Variants in SH3KBP1 observed in about 807,000 individuals in gnomAD.
SH3KBP1 encodes SH3 domain-containing kinase-binding protein 1.
Under a neutral mutation model 50.1 loss-of-function variants are expected in SH3KBP1, and 8 were observed. The ratio of observed to expected loss-of-function variants is 0.16; its 90% CI spans 0.09 to 0.29. The LOEUF is 0.29. Ranked by LOEUF, SH3KBP1 falls within the 10% of genes least tolerant of loss-of-function variation. The probability of loss-of-function intolerance (pLI) is 1.00; values close to 1 mark genes in which losing one functional copy is unlikely to be tolerated. For missense variants in SH3KBP1, 377 were observed against 535.2 expected (o/e 0.70, Z 2.92); for synonymous variants, 227 against 218.6 (o/e 1.04, Z -0.34).
At chrX:19,538,563 TTTTA>T (rs200891455) in intron 16 of SH3KBP1, among the ~76,000 whole-genome samples, 5 of 105,829 alleles carry the variant, frequency 4.7e-5, no homozygotes, top group Middle Eastern at 4.9e-3. Context: ...ATTTCCTTTA[TTTTA>T]TTTATTTATT....
chrX:19,871,115 C>G (rs1330617837), intron 1 of SH3KBP1, among the ~76,000 whole-genome samples: 1 of 112,294 alleles, frequency 8.9e-6, no homozygotes, highest in Admixed American at 9.4e-5. Context: ...ATGTGTTTTG[C>G]TAAAATTTAT....
chrX:19,781,343 C>G (rs1014401650), intron 2 of SH3KBP1, among the ~76,000 whole-genome samples: 2 of 111,075 alleles, frequency 1.8e-5, no homozygotes, highest in African/African-American at 6.6e-5. Flanking sequence ...TTAGGCCAAG[C>G]ATGGTGGCTC....
At chrX:19,593,352 C>T in intron 10 of SH3KBP1, among the ~76,000 whole-genome samples, 1 of 111,774 alleles carries the variant, frequency 8.9e-6, no homozygotes, top group Middle Eastern at 4.6e-3. Context: ...ACATCCTTTA[C>T]TTAATTCCTC....
At chrX:19,611,048 C>T (rs909654542) in intron 8 of SH3KBP1, among the ~76,000 whole-genome samples, 14 of 110,300 alleles carry the variant, frequency 1.3e-4, no homozygotes, top group African/African-American at 4.3e-4. Context: ...CCATGCCTGG[C>T]TAATTTTTCA....
At chrX:19,619,268 T>C (rs2067728338) in intron 8 of SH3KBP1, among the ~76,000 whole-genome samples, 1 of 111,808 alleles carries the variant, frequency 8.9e-6, no homozygotes, top group South Asian at 3.7e-4. Flanking sequence ...AGAGCCAGAC[T>C]CTGTCTCAAA....
Position 19,873,276 on chromosome X carries a change from ATATATATATATATG to A in SH3KBP1, c.4+14017_4+14030del, listed in dbSNP as rs1165627045. Among the ~76,000 whole-genome samples, 3 of 81,736 alleles carry A rather than the reference ATATATATATATATG, an allele frequency of 3.7e-5. No homozygotes were observed. In the Admixed American group the frequency reaches 3.8e-4, roughly 10 times the overall value. The allele number at this position is 81,736 out of a possible 115,157, so 71.0% of individuals were successfully genotyped here. ...TATGAAGTGGAAAAAACAAGGACAT[ATATATATATATATG>A]TATATATATATATATATATATACAT... is the stretch of plus-strand genomic sequence containing the variant. On this transcript the variant is annotated intron_variant, in intron 1 of 17. Coordinates refer to ENST00000397821, the MANE Select transcript of SH3KBP1 (RefSeq NM_031892.3).
At chrX:19,592,544 T>C (rs764624789) in intron 10 of SH3KBP1, among the ~76,000 whole-genome samples, 2 of 111,539 alleles carry the variant, frequency 1.8e-5, no homozygotes, top group South Asian at 3.8e-4. Context: ...GGGGGTTTCA[T>C]AGGAATCTGG....
intron 12 of SH3KBP1, among the ~76,000 whole-genome samples, chrX:19,578,478 C>G (rs1441060518): frequency 9.0e-6 from 1 of 111,579 alleles, no homozygotes; most frequent in African/African-American, 3.3e-5. Flanking sequence ...AGAGACTACC[C>G]AGCTGAAGCC....
intron 7 of SH3KBP1, among the ~76,000 whole-genome samples, chrX:19,637,212 A>T (rs1239322276): frequency 8.9e-6 from 1 of 112,471 alleles, no homozygotes; most frequent in Non-Finnish European, 1.9e-5. Context: ...TGGTCACTCC[A>T]AGTGGGAAAA....
chrX:19,680,995 A>T (rs889596976), intron 6 of SH3KBP1, among the ~76,000 whole-genome samples: 3 of 111,681 alleles, frequency 2.7e-5, no homozygotes, highest in African/African-American at 9.8e-5. Flanking sequence ...AAATATCCCT[A>T]TCTGAAATGC....
At chrX:19,583,103 T>C (rs2066425369) in intron 12 of SH3KBP1, among the ~76,000 whole-genome samples, 1 of 104,740 alleles carries the variant, frequency 9.5e-6, no homozygotes, top group South Asian at 4.4e-4. Flanking sequence ...GAGGAACCCA[T>C]TTTTATTCAA....
rs745782204 is a variant in SH3KBP1, at chrX:19,695,656, G to A, written c.476C>T (p.Ser159Leu). 3.2e-5 allele frequency: 38 copies of A among 1,206,301 alleles called. No individual in the cohort carries two copies. The highest frequency in any genetic ancestry group is 3.8e-5 in the Non-Finnish European group (34 of 893,971). The change falls in exon 5 of 18, where the codon TCG (serine) becomes TTG (leucine). Residue 159 changes from serine (S) to leucine (L), a missense_variant. By Grantham distance (145) the Ser-to-Leu change is moderately radical. Transcript: ENST00000397821. ...SNFIKELSGE[S>L]DELGISQDEQ... ...ATCCTGGGAAATGCCAAGCTCATCC[G>A]ACTCCCCTGACAGCTCCTTGATGAA...
intron 3 of SH3KBP1, among the ~76,000 whole-genome samples, chrX:19,743,402 C>T (rs892543550): frequency 9.2e-6 from 1 of 108,438 alleles, no homozygotes; most frequent in Non-Finnish European, 1.9e-5. Context: ...GAGTGAGAGC[C>T]TGGGTGTCAG....
intron 8 of SH3KBP1, among the ~76,000 whole-genome samples, chrX:19,626,264 C>G (rs1353269130): frequency 1.8e-5 from 2 of 111,393 alleles, no homozygotes; most frequent in Admixed American, 1.9e-4. Context: ...CACAGCATGT[C>G]TAGCTCCAAA....
At chrX:19,883,690 T>C (rs1445183590) in intron 1 of SH3KBP1, among the ~76,000 whole-genome samples, 2 of 111,415 alleles carry the variant, frequency 1.8e-5, no homozygotes, top group African/African-American at 6.6e-5. Flanking sequence ...CAGGATGGAA[T>C]AAGATGAAAA....
chrX:19,643,300 A>ATTTTTTTTTTTTTTTTTTTTTTT (rs201544483), intron 7 of SH3KBP1, among the ~76,000 whole-genome samples: 3 of 86,891 alleles, frequency 3.5e-5, no homozygotes, highest in African/African-American at 1.7e-4. Flanking sequence ...AAACTGAAGA[A>ATTTTTTTTTTTTTTTTTTTTTTT]TTTTTTATTT....
chrX:19,789,339 T>C (rs148459680), intron 2 of SH3KBP1, among the ~76,000 whole-genome samples: 2,498 of 110,751 alleles, frequency 0.023, 84 homozygotes, highest in African/African-American at 0.078. Flanking sequence ...GGTCCCTCTT[T>C]AGGAAAGCAA....
chrX:19,543,336 G>A (rs747731507), intron 15 of SH3KBP1, among the ~76,000 whole-genome samples: 7 of 111,955 alleles, frequency 6.3e-5, no homozygotes, highest in Non-Finnish European at 1.1e-4. Context: ...AATGATTTCC[G>A]TTTTTGACAC....
intron 2 of SH3KBP1, among the ~76,000 whole-genome samples, chrX:19,765,849 T>A (rs899126412): frequency 1.8e-5 from 2 of 112,083 alleles, no homozygotes; most frequent in Admixed American, 9.4e-5. Flanking sequence ...CTTAGCATAA[T>A]GTATCAAGGT....
Sources: allele counts gnomAD v4.1 joint callset (sites outside exome capture counted in the v4.1 genomes callset), GRCh38; gene constraint gnomAD v4.1.1; transcripts MANE v1.5; gene names NCBI Gene and HGNC (gene_info 2026-07-23, HGNC 2026-07-21).